Variants in HNF1B observed in about 807,000 individuals in gnomAD.
HNF1B encodes the protein hepatocyte nuclear factor 1-beta.
HNF1B carries 8 observed loss-of-function variants against 61.7 expected under a neutral mutation model. The ratio of observed to expected loss-of-function variants is 0.13; its 90% CI spans 0.08 to 0.23. The LOEUF is 0.23. Among genes scored for constraint, HNF1B ranks in the 10% least tolerant of loss-of-function variants. The pLI is 1.00. For synonymous variants in HNF1B, 314 were observed against 287.7 expected (o/e 1.09, Z -0.93); for missense variants, 562 against 714.5 (o/e 0.79, Z 2.43).
intron 5 of HNF1B, among the ~76,000 whole-genome samples, chr17:37,706,475 C>T (rs914108359): frequency 6.6e-6 from 1 of 152,044 alleles, no homozygotes; most frequent in South Asian, 2.1e-4. Context: ...CTATCTCCCA[C>T]CCTGCCCTTC....
intron 5 of HNF1B, among the ~76,000 whole-genome samples, chr17:37,706,859 T>C (rs977250671): frequency 3.9e-5 from 6 of 152,122 alleles, no homozygotes; most frequent in Non-Finnish European, 5.9e-5. Flanking sequence ...GACTTTAGGA[T>C]TTGTAAAGTG....
intron 1 of HNF1B, among the ~76,000 whole-genome samples, chr17:37,742,120 C>T (rs2034009747): frequency 6.6e-6 from 1 of 152,256 alleles, no homozygotes; most frequent in South Asian, 2.1e-4. Context: ...GGCCGCGGCG[C>T]CCGCAGGGTC....
At chr17:37,716,856 C>CTT (rs770585527) in intron 4 of HNF1B, among the ~76,000 whole-genome samples, 1 of 101,598 alleles carries the variant, frequency 9.8e-6, no homozygotes. Flanking sequence ...CTCTCTCTCT[C>CTT]TCTCTCTCTC....
At chr17:37,716,429 C>T (rs936413807) in intron 4 of HNF1B, among the ~76,000 whole-genome samples, 10 of 152,076 alleles carry the variant, frequency 6.6e-5, no homozygotes, top group Non-Finnish European at 1.3e-4. Context: ...AAACTCCTGA[C>T]CTCAAGTGAT....
intron 4 of HNF1B, chr17:37,730,400 C>T (rs1259095071): frequency 6.6e-6 from 1 of 152,412 alleles, no homozygotes; most frequent in African/African-American, 2.4e-5. Context: ...GTGGCTGAGC[C>T]TCTCTCCTCT....
chr17:37,733,875 CAG>C, intron 2 of HNF1B, 54 bp from the exon 3 acceptor site: 1 of 1,417,460 alleles, frequency 7.1e-7, no homozygotes, highest in Non-Finnish European at 9.4e-7. Context: ...ACTCAGCAGA[CAG>C]ACAGACAGAC....
At chr17:37,722,847 A>G (rs2033361360) in intron 4 of HNF1B, among the ~76,000 whole-genome samples, 1 of 152,102 alleles carries the variant, frequency 6.6e-6, no homozygotes, top group African/African-American at 2.4e-5. Flanking sequence ...AGGAGCTCTG[A>G]GGTTTCCCTT....
chr17:37,721,716 TCTC>T (rs1451714002), intron 4 of HNF1B, among the ~76,000 whole-genome samples: 1 of 117,846 alleles, frequency 8.5e-6, no homozygotes, highest in Admixed American at 8.6e-5. Flanking sequence ...CAAATCTCTC[TCTC>T]TTTTTTTTTT....
chr17:37,702,507 G>C (rs2032606383), intron 6 of HNF1B, among the ~76,000 whole-genome samples: 1 of 152,154 alleles, frequency 6.6e-6, no homozygotes, highest in African/African-American at 2.4e-5. Context: ...CATCTCACCA[G>C]ATACCCTGAT....
intron 4 of HNF1B, among the ~76,000 whole-genome samples, chr17:37,713,362 A>C (rs2032998899): frequency 6.6e-6 from 1 of 152,246 alleles, no homozygotes; most frequent in African/African-American, 2.4e-5. Flanking sequence ...TTATTTAAAA[A>C]TAATTAACCA....
intron 4 of HNF1B, among the ~76,000 whole-genome samples, chr17:37,710,868 G>A (rs886117740): frequency 6.6e-5 from 10 of 152,206 alleles, no homozygotes; most frequent in South Asian, 2.1e-4. Context: ...TAAGCGCCAC[G>A]AGGGCAGGAA....
intron 4 of HNF1B, among the ~76,000 whole-genome samples, chr17:37,717,069 C>T (rs1262409833): frequency 6.6e-6 from 1 of 152,094 alleles, no homozygotes; most frequent in African/African-American, 2.4e-5. Context: ...AAAACAGGAC[C>T]AGAATTGTTC....
In HNF1B at chr17:37,739,623, C is replaced by T; in HGVS notation, c.361G>A (p.Ala121Thr). 1 of 1,612,656 alleles carries T rather than the reference C, an allele frequency of 6.2e-7. No individual in the cohort carries two copies. Among genetic ancestry groups the T allele is most frequent in the Non-Finnish European group, 8.5e-7 (1 of 1,179,366 alleles). The change falls in exon 2 of 9, where the codon GCT (alanine) becomes ACT (threonine). Residue 121 changes from alanine (A) to threonine (T), a missense_variant. This residue lies in a region of HNF1B where 16 missense variants were observed against 66.3 expected (regional missense o/e 0.24). Transcript: ENST00000617811. Reference protein sequence around the residue: ...DRMLSEDPWRAAKMIKGYMQQ... With the variant: ...DRMLSEDPWRTAKMIKGYMQQ... ...ATGTAACCCTTGATCATTTTAGCAG[C>T]CCTCCAAGGGTCCTCACTAGACAGA...
intron 4 of HNF1B, chr17:37,730,244 C>T (rs897258829): frequency 6.5e-6 from 1 of 152,842 alleles, no homozygotes; most frequent in Non-Finnish European, 1.5e-5. Context: ...CACACTGGTA[C>T]TGCTCAGTGC....
rs114881086 is a variant in HNF1B at position 37,692,487 on chromosome 17, G to A, written c.1654-5095C>T. On this transcript the variant is annotated intron_variant, in intron 8 of 8. Coordinates refer to ENST00000617811, the MANE Select transcript of HNF1B (RefSeq NM_000458.4). ...CTCAGTTTTCTGCTTTGTAAATCAG[G>A]TATAAAAATAACGACCTTGCAGAAT... Among the ~76,000 whole-genome samples the A allele has an allele frequency of 6.2e-3, 943 of 152,296 alleles. 10 individuals are homozygous for A. The highest frequency in any genetic ancestry group is 0.021 in the African/African-American group (884 of 41,550).
chr17:37,698,911 C>CTT (rs11350722), intron 8 of HNF1B, among the ~76,000 whole-genome samples, 165 bp downstream of exon 8: 1 of 150,172 alleles, frequency 6.7e-6, no homozygotes, highest in East Asian at 2.0e-4. Flanking sequence ...GCCTGTGGCC[C>CTT]TTTTTTTTTT....
At chr17:37,721,225 C>T (rs1372749771) in intron 4 of HNF1B, among the ~76,000 whole-genome samples, 1 of 152,130 alleles carries the variant, frequency 6.6e-6, no homozygotes, top group Non-Finnish European at 1.5e-5. Context: ...TTGTGACTGG[C>T]CCCACCCAAT....
rs35913775 is a variant in HNF1B at position 37,699,028 on chromosome 17, A to AG, written c.1653+47_1653+48insC. ...ACAACCTCTGCACATCCATGGCCTT[A>AG]TCACACCCTGCCCACACCCCAACCC... On this transcript the variant is annotated intron_variant, in intron 8 of 8. Transcript: ENST00000617811. 0.16 allele frequency: 212,982 copies of AG among 1,356,698 alleles called. 17,664 individuals are homozygous for AG. The highest frequency in any genetic ancestry group is 0.21 in the Middle Eastern group (1,093 of 5,150). 84.0% of individuals were successfully genotyped at this position (1,356,698 alleles called of 1,614,324 possible). A position where few individuals can be genotyped will look rare whatever the true frequency, so the allele number is the denominator to read the frequency against.
At chr17:37,728,128 A>C (rs1171723848) in intron 4 of HNF1B, among the ~76,000 whole-genome samples, 1 of 151,788 alleles carries the variant, frequency 6.6e-6, no homozygotes, top group Non-Finnish European at 1.5e-5. Flanking sequence ...CAGCCTCCGG[A>C]GTCGCTGGGA....
Sources: gnomAD v4.1 joint callset for allele counts (sites outside exome capture counted in the v4.1 genomes callset) on GRCh38, gnomAD v4.1.1 for gene constraint, gnomAD v4.1.1 regional missense constraint, MANE v1.5 for transcripts, NCBI Gene and HGNC (gene_info 2026-07-23, HGNC 2026-07-21) for gene names.